The following PAN3 variants were observed in gnomAD, a reference collection of about 807,000 sequenced individuals.
PAN3 encodes poly(A) specific ribonuclease subunit PAN3, also known as PAN2-PAN3 deadenylation complex subunit PAN3.
Under a neutral mutation model 96.2 loss-of-function variants are expected in PAN3, and 19 were observed. That is an observed-to-expected ratio of 0.20 (90% CI 0.14 to 0.29). The LOEUF (loss-of-function observed/expected upper bound fraction) is 0.29, where lower values mean the gene tolerates loss of function less well. Among genes scored for constraint, PAN3 ranks in the 10% least tolerant of loss-of-function variants. The pLI, the probability that PAN3 is intolerant of heterozygous loss-of-function variation, is 1.00. For missense variants in PAN3, 882 were observed against 1,108.1 expected, an observed-to-expected ratio of 0.80 and a Z score of 2.90; for synonymous variants, 433 against 406.6, an observed-to-expected ratio of 1.06 and a Z score of -0.78.
At chr13:28,215,916 G>T in intron 5 of PAN3, 1 of 1,196,968 alleles carries the variant, frequency 8.4e-7, no homozygotes. Context: ...CCTAATACCT[G>T]CCACTCTAGT....
chr13:28,268,600 A>G (rs1028936683), intron 12 of PAN3, among the ~76,000 whole-genome samples: 2 of 152,170 alleles, frequency 1.3e-5, no homozygotes, highest in Non-Finnish European at 2.9e-5. Context: ...ATGTCTATTC[A>G]TTAATTTATG....
At chr13:28,244,136 GT>G (rs1883950475) in intron 6 of PAN3, among the ~76,000 whole-genome samples, 1 of 152,056 alleles carries the variant, frequency 6.6e-6, no homozygotes, top group Admixed American at 6.5e-5. Context: ...CTTGCTTTCT[GT>G]TTTCTTTATG....
intron 6 of PAN3, among the ~76,000 whole-genome samples, chr13:28,228,038 T>G (rs546706975): frequency 7.9e-5 from 12 of 152,356 alleles, no homozygotes; most frequent in Middle Eastern, 3.4e-3. Flanking sequence ...CCTTCTTCTT[T>G]AGTCAAGTAG....
At chr13:28,199,715 AACTT>A (rs2138247506) in intron 5 of PAN3, among the ~76,000 whole-genome samples, 1 of 152,274 alleles carries the variant, frequency 6.6e-6, no homozygotes, top group South Asian at 2.1e-4. Context: ...AGAGAAAAGT[AACTT>A]ACCAATTCCA....
At chr13:28,195,680 C>CA (rs1877965264) in intron 4 of PAN3, among the ~76,000 whole-genome samples, 1 of 152,080 alleles carries the variant, frequency 6.6e-6, no homozygotes, top group African/African-American at 2.4e-5. Context: ...GGATTACAGA[C>CA]ATGTGCCACC....
intron 14 of PAN3, among the ~76,000 whole-genome samples, chr13:28,274,211 G>A (rs1292313204): frequency 6.6e-6 from 1 of 152,060 alleles, no homozygotes; most frequent in African/African-American, 2.4e-5. Flanking sequence ...CTGCCTGAGG[G>A]CATTTGCCCC....
chr13:28,192,313 T>C (rs1298548306), intron 4 of PAN3, among the ~76,000 whole-genome samples: 2 of 152,036 alleles, frequency 1.3e-5, no homozygotes, highest in East Asian at 3.9e-4. Flanking sequence ...CATGATCCGT[T>C]CGCCTCAGCC....
intron 4 of PAN3, among the ~76,000 whole-genome samples, chr13:28,196,301 A>T (rs1185682322): frequency 6.6e-6 from 1 of 152,138 alleles, no homozygotes; most frequent in Non-Finnish European, 1.5e-5. Context: ...GTGTTTTCTG[A>T]AGGGAAAAAA....
Position 28,274,522 on chromosome 13 carries a change from C to T in PAN3, c.2049+2451C>T, listed in dbSNP as rs9554300. Among the ~76,000 whole-genome samples the T allele has an allele frequency of 2.4e-3, 367 of 151,466 alleles. 15 individuals carry two copies. The East Asian group carries it at 0.063, about 26-fold the overall frequency. ...AAAAAAAAAAAAACTGCACACGCTC[C>T]TCATTCTTTTCTCAGTAGGGTTCCT... On this transcript the variant is annotated intron_variant, in intron 14 of 18. Transcript: ENST00000380958.
At chr13:28,147,830 G>A (rs568298319) in intron 1 of PAN3, among the ~76,000 whole-genome samples, 8 of 152,270 alleles carry the variant, frequency 5.3e-5, no homozygotes, top group African/African-American at 1.9e-4. Flanking sequence ...CAGTTGGCAT[G>A]TAGGTAATAG....
At chr13:28,270,969 A>C in intron 13 of PAN3, 103 bp downstream of exon 13, 1 of 1,148,746 alleles carries the variant, frequency 8.7e-7, no homozygotes, top group Non-Finnish European at 1.2e-6. Flanking sequence ...CATATATTCC[A>C]TCCAGAAGAA....
At chr13:28,270,543 A>T (rs527854985) in intron 12 of PAN3, among the ~76,000 whole-genome samples, 158 bp from the exon 13 acceptor site, 19 of 152,366 alleles carry the variant, frequency 1.2e-4, no homozygotes, top group Admixed American at 2.6e-4. Flanking sequence ...TGGGCAATAG[A>T]CTAAACTTAA....
intron 5 of PAN3, among the ~76,000 whole-genome samples, chr13:28,216,263 A>G (rs1880753513): frequency 6.6e-6 from 1 of 151,950 alleles, no homozygotes. Flanking sequence ...GAAATTTTTA[A>G]AAATGCAGAC....
chr13:28,187,754 C>T (rs1876676396), intron 4 of PAN3, among the ~76,000 whole-genome samples: 1 of 152,128 alleles, frequency 6.6e-6, no homozygotes, highest in Admixed American at 6.6e-5. Context: ...GGGGCAGTGT[C>T]TTGCCCTGTT....
chr13:28,169,126 A>G (rs940848458), intron 1 of PAN3, among the ~76,000 whole-genome samples: 1 of 151,316 alleles, frequency 6.6e-6, no homozygotes, highest in African/African-American at 2.4e-5. Flanking sequence ...TCTTGATGAT[A>G]TATTCTTGGT....
Position 28,288,065 on chromosome 13 carries a change from G to C in PAN3, c.2466G>C (p.Val822=). 6.2e-7 allele frequency: 1 copy of C among 1,613,716 alleles called. No individual in the cohort carries two copies. Among genetic ancestry groups the C allele is most frequent in the South Asian group, 1.1e-5 (1 of 91,048 alleles). ...TTAGGGATCATCTTTTTCATCAGGT[G>C]ACAGAAGCAGGTGCTCCCTGGATTG... is the stretch of plus-strand genomic sequence containing the variant. The part of the protein sequence containing the change: ...KLFRDHLFHQ[V]TEAGAPWIDL... Residue 822 remains valine (V), a synonymous_variant, in exon 18 of 19, where the codon GTG becomes GTC. Transcript: ENST00000380958.
chr13:28,152,110 T>A (rs1480128869), intron 1 of PAN3, among the ~76,000 whole-genome samples: 2 of 152,170 alleles, frequency 1.3e-5, no homozygotes, highest in African/African-American at 4.8e-5. Context: ...GTTCTACATA[T>A]GTGCCAGTCA....
chr13:28,178,862 T>C (rs1183320605), intron 4 of PAN3, among the ~76,000 whole-genome samples: 2 of 152,156 alleles, frequency 1.3e-5, no homozygotes, highest in Non-Finnish European at 2.9e-5. Context: ...GGCTTCACGG[T>C]GTATAGTTAT....
intron 4 of PAN3, among the ~76,000 whole-genome samples, chr13:28,185,083 C>G (rs1005475320): frequency 2.6e-5 from 4 of 151,950 alleles, no homozygotes; most frequent in African/African-American, 9.7e-5. Context: ...AAGGGCCGTC[C>G]TTGTTTTTAT....
Sources: gnomAD v4.1 joint callset for allele counts (sites outside exome capture counted in the v4.1 genomes callset) on GRCh38, gnomAD v4.1.1 for gene constraint, MANE v1.5 for transcripts, NCBI Gene and HGNC (gene_info 2026-07-23, HGNC 2026-07-21) for gene names.